PRUNE2: variants seen among roughly 807,000 people sequenced by gnomAD.
PRUNE2 encodes the protein protein prune homolog 2.
In PRUNE2, 164 loss-of-function variants were observed where a neutral mutation model predicts 252.0. The ratio of observed to expected loss-of-function variants is 0.65; its 90% CI spans 0.57 to 0.74. The LOEUF is 0.74. PRUNE2 is among the 30% of genes least tolerant of loss of function. The pLI, the probability that PRUNE2 is intolerant of heterozygous loss-of-function variation, is 0.00. For missense variants in PRUNE2, 3,495 were observed against 3,711.0 expected (o/e 0.94, Z 1.51); for synonymous variants, 1,292 against 1,350.2 (o/e 0.96, Z 0.94).
chr9:76,663,290 T>A (rs959978006), intron 9 of PRUNE2, among the ~76,000 whole-genome samples: 1 of 152,184 alleles, frequency 6.6e-6, no homozygotes, highest in Non-Finnish European at 1.5e-5. Flanking sequence ...GTAAGCACTG[T>A]GGCCAGGCAG....
chr9:76,708,475 C>A lies in PRUNE2; in HGVS notation c.3799G>T (p.Ala1267Ser). 1 of 1,613,916 alleles carries A rather than the reference C, an allele frequency of 6.2e-7. No homozygotes were observed. Among genetic ancestry groups the A allele is most frequent in the Non-Finnish European group, 8.5e-7 (1 of 1,179,888 alleles). The stretch of plus-strand genomic sequence containing the variant: ...TCACTGGTTCCAGAGGCTGCTGGCG[C>A]ATCTGGGGAATGAGTGTCTTTAACA... ...ANVKDTHSPD[A>S]PAASGTSESE... Residue 1267 changes from alanine to serine, a missense_variant, in exon 8 of 19, where the codon GCG (alanine) becomes TCG (serine). Physicochemically the swap from Ala to Ser is moderately conservative, Grantham distance 99. Transcript: ENST00000376718.
At chr9:76,695,997 C>A (rs1244629642) in intron 9 of PRUNE2, among the ~76,000 whole-genome samples, 2 of 152,110 alleles carry the variant, frequency 1.3e-5, no homozygotes, top group South Asian at 4.2e-4. Flanking sequence ...GGCTGGATAA[C>A]CCTGTGTGGC....
At chr9:76,840,156 CA>C (rs59346201) in intron 4 of PRUNE2, among the ~76,000 whole-genome samples, 13,508 of 151,758 alleles carry the variant, frequency 0.089, 911 homozygotes, top group African/African-American at 0.19. Flanking sequence ...TTAAAGATAG[CA>C]AAAAAAGAGA....
At chr9:76,747,018 G>A (rs1433102968) in intron 6 of PRUNE2, among the ~76,000 whole-genome samples, 2 of 152,354 alleles carry the variant, frequency 1.3e-5, no homozygotes, top group South Asian at 4.1e-4. Flanking sequence ...TGGGTCAGAA[G>A]TTCCAGAAGC....
At chr9:76,903,559 T>A (rs2133776731) in intron 1 of PRUNE2, among the ~76,000 whole-genome samples, 1 of 152,310 alleles carries the variant, frequency 6.6e-6, no homozygotes, top group South Asian at 2.1e-4. Context: ...AAGGATTGGC[T>A]GAATTTTTAA....
intron 15 of PRUNE2, among the ~76,000 whole-genome samples, chr9:76,629,780 C>T (rs577483429): frequency 1.3e-5 from 2 of 152,274 alleles, no homozygotes; most frequent in African/African-American, 2.4e-5. Context: ...TTCTGGTAAC[C>T]ACCATTCCAC....
intron 6 of PRUNE2, among the ~76,000 whole-genome samples, chr9:76,747,907 C>T (rs955111076): frequency 4.6e-5 from 7 of 151,916 alleles, no homozygotes; most frequent in African/African-American, 9.7e-5. Context: ...GCAATTCTCC[C>T]GCCTCAGCCT....
chr9:76,712,505 G>A (rs114429966), intron 7 of PRUNE2, among the ~76,000 whole-genome samples: 4,139 of 151,202 alleles, frequency 0.027, 75 homozygotes, highest in African/African-American at 0.046. Context: ...GTGGGGAGAA[G>A]AGAGGAGGAC....
intron 6 of PRUNE2, among the ~76,000 whole-genome samples, chr9:76,798,144 CAT>C (rs891731391): frequency 9.3e-5 from 14 of 151,340 alleles, no homozygotes; most frequent in Non-Finnish European, 1.6e-4. Flanking sequence ...GTTAAAAAAA[CAT>C]AAAACATAAA....
chr9:76,889,934 G>C (rs1356583036), intron 1 of PRUNE2, among the ~76,000 whole-genome samples: 1 of 152,226 alleles, frequency 6.6e-6, no homozygotes, highest in Non-Finnish European at 1.5e-5. Context: ...CTACCCCAAA[G>C]TGTACTGAAT....
rs1452729675 is a variant in PRUNE2 at position 76,906,006 on chromosome 9, A to C, written c.-43T>G. 1.9e-6 allele frequency: 3 copies of C among 1,609,638 alleles called. No homozygotes were observed. Among genetic ancestry groups the C allele is most frequent in the Non-Finnish European group, 2.6e-6 (3 of 1,176,130 alleles). ...GGAACCCGGGTACTCGGAGGGGCGC[A>C]GTGGAAAATCTCGGCCCAAGGAAGA... On this transcript the variant is annotated 5_prime_UTR_variant, in exon 1 of 19. Coordinates refer to ENST00000376718, the MANE Select transcript of PRUNE2 (RefSeq NM_015225.3).
chr9:76,776,391 T>G lies in PRUNE2; in HGVS notation c.756+47241A>C, dbSNP rs371179273. Among the ~76,000 whole-genome samples the G allele has an allele frequency of 7.2e-5, 11 of 152,318 alleles. No homozygotes were observed. The South Asian group carries it at 2.3e-3, about 32-fold the overall frequency. ...CTTACAAGTGAGACCATGTGGTATCTGATTTTCCATTTTTGAATTATTTCA... is the reference window on the plus strand; with the variant it reads ...CTTACAAGTGAGACCATGTGGTATCGGATTTTCCATTTTTGAATTATTTCA... On this transcript the variant is annotated intron_variant, in intron 6 of 18. Coordinates refer to ENST00000376718, the MANE Select transcript of PRUNE2 (RefSeq NM_015225.3).
intron 12 of PRUNE2, among the ~76,000 whole-genome samples, chr9:76,640,974 T>G (rs1181614949): frequency 6.6e-6 from 1 of 152,208 alleles, no homozygotes; most frequent in African/African-American, 2.4e-5. Flanking sequence ...TCCATGAACT[T>G]CTAAGAAATT....
intron 6 of PRUNE2, among the ~76,000 whole-genome samples, chr9:76,742,111 C>T (rs1344381335): frequency 6.6e-6 from 1 of 151,990 alleles, no homozygotes; most frequent in East Asian, 1.9e-4. Flanking sequence ...TAATCCTGTA[C>T]CTGGCAGAGC....
chr9:76,821,991 T>C (rs977612236), intron 6 of PRUNE2, among the ~76,000 whole-genome samples: 1 of 152,118 alleles, frequency 6.6e-6, no homozygotes, highest in Admixed American at 6.5e-5. Context: ...CCTAATAAGA[T>C]GCCATTAAAT....
intron 12 of PRUNE2, among the ~76,000 whole-genome samples, chr9:76,638,524 T>A (rs1841133459): frequency 6.6e-6 from 1 of 152,226 alleles, no homozygotes; most frequent in South Asian, 2.1e-4. Context: ...TATATTTGCA[T>A]ATGTAGGCTA....
At chr9:76,640,766 G>A (rs567480657) in intron 12 of PRUNE2, among the ~76,000 whole-genome samples, 83 of 152,258 alleles carry the variant, frequency 5.5e-4, no homozygotes, top group African/African-American at 1.8e-3. Flanking sequence ...TCCTCATACC[G>A]CACAGATAAG....
At chr9:76,746,791 G>A (rs1336236515) in intron 6 of PRUNE2, among the ~76,000 whole-genome samples, 2 of 151,352 alleles carry the variant, frequency 1.3e-5, no homozygotes, top group East Asian at 1.9e-4. Context: ...ACACACAGAG[G>A]CTCCTGGTGA....
chr9:76,755,174 CT>C (rs1564222751), intron 6 of PRUNE2, among the ~76,000 whole-genome samples: 1 of 151,996 alleles, frequency 6.6e-6, no homozygotes, highest in Admixed American at 6.6e-5. Flanking sequence ...TGAAATCACA[CT>C]GTATATTTAA....
Sources: allele counts gnomAD v4.1 joint callset (sites outside exome capture counted in the v4.1 genomes callset), GRCh38; gene constraint gnomAD v4.1.1; transcripts MANE v1.5; gene names NCBI Gene and HGNC (gene_info 2026-07-23, HGNC 2026-07-21).